SH3GL3: variants seen among roughly 807,000 people sequenced by gnomAD.
SH3GL3 encodes SH3 domain containing GRB2 like 3, endophilin A3.
A neutral mutation model predicts 47.7 loss-of-function variants in SH3GL3; 33 were observed. The ratio of observed to expected loss-of-function variants is 0.69; its 90% CI spans 0.52 to 0.92. The LOEUF (loss-of-function observed/expected upper bound fraction) is 0.92. Among genes scored for constraint, SH3GL3 ranks in the 40% least tolerant of loss-of-function variants. SH3GL3 has a pLI of 0.00. For synonymous variants in SH3GL3, 155 were observed against 148.8 expected, an observed-to-expected ratio of 1.04 and a Z score of -0.30; for missense variants, 363 against 417.8, an observed-to-expected ratio of 0.87 and a Z score of 1.14.
At chr15:83,470,090 A>C (rs1246980984) in intron 1 of SH3GL3, among the ~76,000 whole-genome samples, 1 of 152,066 alleles carries the variant, frequency 6.6e-6, no homozygotes. Flanking sequence ...TTTCCTCTGA[A>C]GTCTACTTTA....
intron 1 of SH3GL3, among the ~76,000 whole-genome samples, chr15:83,470,199 G>T (rs571601147): frequency 2.3e-4 from 35 of 151,982 alleles, no homozygotes; most frequent in African/African-American, 8.2e-4. Flanking sequence ...CTTTCAACCT[G>T]CCTATATTGC....
intron 1 of SH3GL3, among the ~76,000 whole-genome samples, chr15:83,511,412 A>G (rs1254185203): frequency 6.6e-6 from 1 of 152,192 alleles, no homozygotes; most frequent in East Asian, 1.9e-4. Context: ...AAGAACAAAT[A>G]AGGAAAAAAA....
chr15:83,482,117 TA>T (rs1313316519), intron 1 of SH3GL3, among the ~76,000 whole-genome samples: 1 of 152,254 alleles, frequency 6.6e-6, no homozygotes, highest in African/African-American at 2.4e-5. Flanking sequence ...AAAATTTGTA[TA>T]TATTGATTTT....
At chr15:83,464,303 G>T (rs931448801) in intron 1 of SH3GL3, among the ~76,000 whole-genome samples, 1 of 152,048 alleles carries the variant, frequency 6.6e-6, no homozygotes, top group Non-Finnish European at 1.5e-5. Flanking sequence ...CTTTTAATGG[G>T]TCCTTCTCAT....
intron 1 of SH3GL3, among the ~76,000 whole-genome samples, chr15:83,487,561 AG>A (rs1340962934): frequency 1.3e-5 from 2 of 151,868 alleles, no homozygotes; most frequent in African/African-American, 4.8e-5. Flanking sequence ...CTTTTTTTTG[AG>A]GAACGGTTTC....
chr15:83,564,277 A>G (rs77716180), intron 2 of SH3GL3, among the ~76,000 whole-genome samples: 6,624 of 152,278 alleles, frequency 0.043, 490 homozygotes, highest in African/African-American at 0.15. Flanking sequence ...TGGGATTTGA[A>G]TGAATTTTGC....
chr15:83,457,109 A>T (rs1439998449), intron 1 of SH3GL3, among the ~76,000 whole-genome samples: 2 of 152,240 alleles, frequency 1.3e-5, no homozygotes, highest in African/African-American at 2.4e-5. Flanking sequence ...TTGTTGAAGA[A>T]GGAAGTTCAG....
At chr15:83,549,296 T>G (rs568494561) in intron 1 of SH3GL3, among the ~76,000 whole-genome samples, 5 of 152,354 alleles carry the variant, frequency 3.3e-5, no homozygotes, top group African/African-American at 1.2e-4. Flanking sequence ...CAAATTATTT[T>G]TATTTGAATG....
chr15:83,469,771 C>T (rs1010592576), intron 1 of SH3GL3, among the ~76,000 whole-genome samples: 3 of 152,120 alleles, frequency 2.0e-5, no homozygotes, highest in East Asian at 1.9e-4. Flanking sequence ...TACATTAAAA[C>T]GATGTGTATC....
chr15:83,481,083 CT>C (rs1174103845), intron 1 of SH3GL3, among the ~76,000 whole-genome samples: 1 of 152,122 alleles, frequency 6.6e-6, no homozygotes, highest in Non-Finnish European at 1.5e-5. Context: ...CGAGACCAGG[CT>C]GGCCAACATG....
intron 1 of SH3GL3, among the ~76,000 whole-genome samples, chr15:83,495,362 C>G (rs965398007): frequency 3.3e-5 from 5 of 152,140 alleles, no homozygotes; most frequent in African/African-American, 1.2e-4. Flanking sequence ...AAGTGGTTTT[C>G]TTGGAGTCCC....
At chr15:83,564,142 A>G (rs2045423348) in intron 2 of SH3GL3, among the ~76,000 whole-genome samples, 1 of 152,136 alleles carries the variant, frequency 6.6e-6, no homozygotes, top group Admixed American at 6.5e-5. Context: ...TGTTGTCTGT[A>G]TGTTAGTCGT....
intron 3 of SH3GL3, chr15:83,565,459 A>G: frequency 2.4e-6 from 1 of 410,482 alleles, no homozygotes; most frequent in South Asian, 3.4e-5. Flanking sequence ...ACAAGAGAGC[A>G]CTGAGCAAAG....
intron 4 of SH3GL3, 42 bp from the exon 5 acceptor site, chr15:83,572,523 G>A (rs952608442): frequency 2.6e-6 from 4 of 1,565,898 alleles, no homozygotes; most frequent in Admixed American, 1.7e-5. Flanking sequence ...ACCTGGAGTA[G>A]TGTTCCCAAA....
intron 1 of SH3GL3, among the ~76,000 whole-genome samples, chr15:83,519,335 A>G (rs1039517363): frequency 9.9e-5 from 15 of 152,116 alleles, no homozygotes; most frequent in African/African-American, 3.4e-4. Context: ...TGTATCATCT[A>G]TGATTTCTTT....
At chr15:83,596,859 A>C (rs1799223815) in intron 8 of SH3GL3, among the ~76,000 whole-genome samples, 1 of 152,030 alleles carries the variant, frequency 6.6e-6, no homozygotes, top group African/African-American at 2.4e-5. Flanking sequence ...TAGAGGTTGA[A>C]ACTTTTTGTC....
At chr15:83,460,023 CCCCTCCCTCCCT>C (rs1202681567) in intron 1 of SH3GL3, among the ~76,000 whole-genome samples, 14 of 32,172 alleles carry the variant, frequency 4.4e-4, no homozygotes, top group African/African-American at 1.8e-3. Flanking sequence ...CCCGTCCCCT[CCCCTCCCTCCCT>C]CCCTCCCTCC....
At chr15:83,458,757 G>C (rs2040124665) in intron 1 of SH3GL3, among the ~76,000 whole-genome samples, 1 of 152,152 alleles carries the variant, frequency 6.6e-6, no homozygotes, top group Non-Finnish European at 1.5e-5. Context: ...CAGGGACTTT[G>C]CTCTTGTTGC....
At chr15:83,521,834 G>A (rs967542219) in intron 1 of SH3GL3, among the ~76,000 whole-genome samples, 1 of 152,240 alleles carries the variant, frequency 6.6e-6, no homozygotes, top group Non-Finnish European at 1.5e-5. Flanking sequence ...GGAGATTCTG[G>A]GGCAGTGTTT....
Sources: allele counts gnomAD v4.1 joint callset (sites outside exome capture counted in the v4.1 genomes callset), GRCh38; gene constraint gnomAD v4.1.1; transcripts MANE v1.5; gene names NCBI Gene and HGNC (gene_info 2026-07-23, HGNC 2026-07-21).